ZNF512B: variants seen among roughly 807,000 people sequenced by gnomAD.
ZNF512B encodes zinc finger protein 512B.
A neutral mutation model predicts 87.8 loss-of-function variants in ZNF512B; 22 were observed. That is an observed-to-expected ratio of 0.25 (90% CI 0.18 to 0.36). ZNF512B has a LOEUF of 0.36. Ranked by LOEUF, ZNF512B falls within the 10% of genes least tolerant of loss-of-function variation. The pLI, the probability that ZNF512B is intolerant of heterozygous loss-of-function variation, is 1.00. For missense variants in ZNF512B, 1,060 were observed against 1,231.6 expected (o/e 0.86, Z 2.09); for synonymous variants, 524 against 490.9 (o/e 1.07, Z -0.89).
chr20:63,967,349 A>G, intron 3 of ZNF512B, 32 bp downstream of exon 3: 1 of 1,563,754 alleles, frequency 6.4e-7, no homozygotes, highest in South Asian at 1.2e-5. Context: ...AGACCCCAGC[A>G]TGAGCCCCAC....
rs1217079018 is a variant in ZNF512B at position 63,961,582 on chromosome 20, G to A, written c.2329-175C>T. Among the ~76,000 whole-genome samples, 2 of 152,206 alleles carry A rather than the reference G, an allele frequency of 1.3e-5. No homozygotes were observed. Among genetic ancestry groups the A allele is most frequent in the Admixed American group, 6.5e-5 (1 of 15,282 alleles). ...CCAGGGCGGCAGGGGTGGTAGGGGA[G>A]AGGAAGGGTAGGGAGAGGCAGGTGC... On this transcript the variant is annotated intron_variant, in intron 15 of 16. Coordinates refer to ENST00000369888, the MANE Select transcript of ZNF512B (RefSeq NM_020713.3). The surrounding 1 kb of genome is among the most constrained non-coding windows in gnomAD (Gnocchi z 6.4).
chr20:63,964,557 GC>G lies in ZNF512B; in HGVS notation c.1193del (p.Gly398AlafsTer5). On this transcript the variant is annotated frameshift_variant, in exon 6 of 17. Coordinates refer to ENST00000369888, the MANE Select transcript of ZNF512B (RefSeq NM_020713.3). LOFTEE classifies it high-confidence loss of function. ...GGCCTGCAGCCTTCAGTGCCTCCAT[GC>G]CCCCTGACGGCCTGCTGCCTGGCGA... ...SLSPGSRPSG[G>X]MEALKAAGPA... 6.2e-7 allele frequency: 1 copy of G among 1,612,970 alleles called. No homozygotes were observed.
In ZNF512B at chr20:63,961,895, G is replaced by C; in HGVS notation, c.2328+47C>G. On this transcript the variant is annotated intron_variant, in intron 15 of 16. Transcript: ENST00000369888. This position sits in a 1 kb window ranked among gnomAD's most constrained non-coding sequence, Gnocchi z 6.4. ...GAAGCCCGCGTGGGGTGAGCTGGGA[G>C]CTCTGAGTGCAGCGCACCTGGCCGT... The C allele has an allele frequency of 6.5e-7, 1 of 1,543,128 alleles. No homozygotes were observed. Among genetic ancestry groups the C allele is most frequent in the South Asian group, 1.2e-5 (1 of 83,908 alleles).
chr20:63,964,608 A>G lies in ZNF512B; in HGVS notation c.1143T>C (p.Ser381=). ...ACAAGGAGCCACTGCTGGTGTCTGC[A>G]CTCAGCTGGAAGGCCGAGCTCTGGC... ...SMGQSSAFQL[S]ADTSSGSLSP... is the part of the protein sequence containing the mutation. Residue 381 remains serine (S), a synonymous_variant, in exon 6 of 17, where the codon AGT becomes AGC. Coordinates refer to ENST00000369888, the MANE Select transcript of ZNF512B (RefSeq NM_020713.3). The G allele has an allele frequency of 6.2e-7, 1 of 1,613,044 alleles. No individual in the cohort carries two copies. Among genetic ancestry groups the G allele is most frequent in the Non-Finnish European group, 8.5e-7 (1 of 1,179,946 alleles).
At position 63,958,034 on chromosome 20, in the gene ZNF512B, G is replaced by C. The variant is rs980376735; in HGVS notation, c.*1854C>G. 1 of 152,210 alleles carries C rather than the reference G, an allele frequency of 6.6e-6. No individual in the cohort carries two copies. The highest frequency in any genetic ancestry group is 1.5e-5 in the Non-Finnish European group (1 of 68,064). The allele number at this position is 152,210 out of a possible 1,614,324, so 9.4% of individuals were successfully genotyped here. A position where few individuals can be genotyped will look rare whatever the true frequency, so the allele number is the denominator to read the frequency against. On this transcript the variant is annotated 3_prime_UTR_variant, in exon 17 of 17. Coordinates refer to ENST00000369888, the MANE Select transcript of ZNF512B (RefSeq NM_020713.3). The stretch of plus-strand genomic sequence containing the variant: ...AGGTGTGCGTGGGTGGGGGGAGTCC[G>C]GGTCTCCACACCCACTCCCTGGCAC...
Position 63,966,221 on chromosome 20 carries a change from T to C in ZNF512B, c.954A>G (p.Thr318=). The change falls in exon 5 of 17, where the codon ACA becomes ACG. Residue 318 remains threonine (T), a synonymous_variant. Transcript: ENST00000369888. ...VSRPIAISRH[T]PPCKMVLLTR... The stretch of plus-strand genomic sequence containing the variant: ...TCAGCAGCACCATTTTGCAGGGCGG[T>C]GTGTGTCTGCTGATAGCAATGGGCC... 6.2e-7 allele frequency: 1 copy of C among 1,613,898 alleles called. No homozygotes were observed.
intron 12 of ZNF512B, 148 bp from the exon 13 acceptor site, chr20:63,962,929 G>A (rs1202258268): frequency 2.5e-5 from 32 of 1,264,072 alleles, no homozygotes; most frequent in Non-Finnish European, 3.2e-5. Flanking sequence ...GAGGGAACAC[G>A]GAGGTTTCAC....
chr20:63,961,470 T>G lies in ZNF512B; in HGVS notation c.2329-63A>C. 6.7e-7 allele frequency: 1 copy of G among 1,482,478 alleles called. No homozygotes were observed. The allele number at this position is 1,482,478 out of a possible 1,614,324, so 91.8% of individuals were successfully genotyped here. ...AGGACCCAGATCTGTCCTAAGCCCC[T>G]ACTCATGGCTAAAGGGTCAGAGTCA... On this transcript the variant is annotated intron_variant, in intron 15 of 16. Coordinates refer to ENST00000369888, the MANE Select transcript of ZNF512B (RefSeq NM_020713.3). This position sits in a 1 kb window ranked among gnomAD's most constrained non-coding sequence, Gnocchi z 6.4.
At chr20:63,969,428 T>A (rs1601490386) in intron 1 of ZNF512B, among the ~76,000 whole-genome samples, 1 of 151,352 alleles carries the variant, frequency 6.6e-6, no homozygotes, top group African/African-American at 2.4e-5. Flanking sequence ...GTCCGCCGCG[T>A]AGGCCGTTCG....
chr20:63,960,698 C>T (rs572392429), intron 16 of ZNF512B, among the ~76,000 whole-genome samples: 8 of 128,698 alleles, frequency 6.2e-5, no homozygotes, highest in Non-Finnish European at 1.1e-4. Context: ...ACACAGCCTT[C>T]GGGACCAGGC....
chr20:63,964,465 G>T, intron 6 of ZNF512B, 25 bp downstream of exon 6: 2 of 1,613,164 alleles, frequency 1.2e-6, no homozygotes, highest in Middle Eastern at 1.6e-4. Flanking sequence ...TGCCCCGGCC[G>T]CCACCCCTGG....
Position 63,957,422 on chromosome 20 carries a change from G to A in ZNF512B, c.*2466C>T, listed in dbSNP as rs754962590. 4 of 152,476 alleles carry A rather than the reference G, an allele frequency of 2.6e-5. No individual in the cohort carries two copies. Among genetic ancestry groups the A allele is most frequent in the Non-Finnish European group, 4.4e-5 (3 of 68,042 alleles). The allele number at this position is 152,476 out of a possible 1,614,324, so 9.4% of individuals were successfully genotyped here. ...GGAGGCCTATGTGGGCCAGCGTAGGGAGTGGGCAGACCCTGCTGAGCTCCA... is the reference window on the plus strand; with the variant it reads ...GGAGGCCTATGTGGGCCAGCGTAGGAAGTGGGCAGACCCTGCTGAGCTCCA... On this transcript the variant is annotated 3_prime_UTR_variant, in exon 17 of 17. Coordinates refer to ENST00000369888, the MANE Select transcript of ZNF512B (RefSeq NM_020713.3).
intron 14 of ZNF512B, 32 bp downstream of exon 14, chr20:63,962,241 C>T (rs1387753918): frequency 1.3e-6 from 2 of 1,574,126 alleles, no homozygotes; most frequent in Non-Finnish European, 1.7e-6. Flanking sequence ...TGTATGGCTC[C>T]CCACGCCCCC....
Position 63,964,162 on chromosome 20 carries a change from C to T in ZNF512B, c.1389G>A (p.Gly463=), listed in dbSNP as rs778371518. 2 of 1,601,322 alleles carry T rather than the reference C, an allele frequency of 1.2e-6. No individual in the cohort carries two copies. Among genetic ancestry groups the T allele is most frequent in the East Asian group, 2.2e-5 (1 of 44,820 alleles). The change falls in exon 8 of 17, where the codon GGG becomes GGA. Residue 463 remains glycine, a synonymous_variant. Transcript: ENST00000369888. ...ARVHRSKKQE[G]PGPEDARKKV... is the part of the protein sequence containing the mutation. ...TCTTCCGGGCGTCCTCAGGGCCTGG[C>T]CCCTCCTGCTTCTTGGAGCGGTGAA...
At chr20:63,960,720 G>GC (rs2058841827) in intron 16 of ZNF512B, among the ~76,000 whole-genome samples, 11 of 132,906 alleles carry the variant, frequency 8.3e-5, no homozygotes, top group East Asian at 2.5e-4. Context: ...AGCACCTGCA[G>GC]GGGGCTGGAC....
chr20:63,962,308 C>G lies in ZNF512B; in HGVS notation c.2230G>C (p.Val744Leu). Residue 744 changes from valine to leucine, a missense_variant, in exon 14 of 17, where the codon GTG becomes CTG. Around this residue, in one of 9 missense-constraint regions of ZNF512B, gnomAD observed 253 missense variants for 259.2 expected, o/e 0.98. Coordinates refer to ENST00000369888, the MANE Select transcript of ZNF512B (RefSeq NM_020713.3). Reference sequence around the variant, plus strand: ...CAGTTGACGTGGCCTTTCTCCTTCACTTCATTCTTCCATGCCTCTAGCAGC... The same window carrying G: ...CAGTTGACGTGGCCTTTCTCCTTCAGTTCATTCTTCCATGCCTCTAGCAGC... ...PQLLEAWKNEVKEKGHVNCPN... is the reference protein window; with the variant it reads ...PQLLEAWKNELKEKGHVNCPN... The G allele has an allele frequency of 6.2e-7, 1 of 1,612,818 alleles. No homozygotes were observed. The highest frequency in any genetic ancestry group is 8.5e-7 in the Non-Finnish European group (1 of 1,179,942).
rs1203957101 is a variant in ZNF512B, at chr20:63,962,313, T to C, written c.2225A>G (p.Asn742Ser). The C allele has an allele frequency of 4.3e-6, 7 of 1,612,880 alleles. No homozygotes were observed. Among genetic ancestry groups the C allele is most frequent in the Non-Finnish European group, 5.9e-6 (7 of 1,179,926 alleles). Residue 742 changes from asparagine to serine, a missense_variant, in exon 14 of 17, where the codon AAT becomes AGT. Coordinates refer to ENST00000369888, the MANE Select transcript of ZNF512B (RefSeq NM_020713.3). ...GACGTGGCCTTTCTCCTTCACTTCA[T>C]TCTTCCATGCCTCTAGCAGCTGGGG... ...LNPQLLEAWK[N>S]EVKEKGHVNC...
chr20:63,962,083 A>T (rs1376645566), intron 14 of ZNF512B, 79 bp from the exon 15 acceptor site: 29 of 1,465,900 alleles, frequency 2.0e-5, no homozygotes, highest in Non-Finnish European at 2.7e-5. Context: ...ACCCCAGGGG[A>T]TCTCTGAGGC....
At chr20:63,964,457 C>G in intron 6 of ZNF512B, 33 bp downstream of exon 6, 2 of 1,613,326 alleles carry the variant, frequency 1.2e-6, no homozygotes, top group African/African-American at 2.7e-5. Flanking sequence ...GCCGAGCCTG[C>G]CCCGGCCGCC....
Sources: gnomAD v4.1 joint callset for allele counts (sites outside exome capture counted in the v4.1 genomes callset) on GRCh38, gnomAD v4.1.1 for gene constraint, gnomAD v4.1.1 regional missense constraint, Gnocchi (gnomAD v3.1) non-coding constraint, MANE v1.5 for transcripts, NCBI Gene and HGNC (gene_info 2026-07-23, HGNC 2026-07-21) for gene names.